Variants in ZNF385D observed in about 807,000 individuals in gnomAD.
ZNF385D encodes zinc finger protein 659.
ZNF385D carries 15 observed loss-of-function variants against 35.8 expected under a neutral mutation model. The observed-to-expected ratio is 0.42, with a 90% confidence interval of 0.28 to 0.64. The LOEUF (loss-of-function observed/expected upper bound fraction) is 0.64, where lower values mean the gene tolerates loss of function less well. Ranked by LOEUF, ZNF385D falls within the 30% of genes least tolerant of loss-of-function variation. ZNF385D has a pLI of 0.23. For missense variants in ZNF385D, 474 were observed against 494.6 expected (o/e 0.96, Z 0.39); for synonymous variants, 212 against 186.8 (o/e 1.13, Z -1.10).
chr3:21,884,200 A>AT (rs1336827693), intron 3 of ZNF385D, among the ~76,000 whole-genome samples: 4 of 152,042 alleles, frequency 2.6e-5, no homozygotes, highest in Non-Finnish European at 5.9e-5. Context: ...ATAAATGATA[A>AT]TTATATTCTC....
At chr3:22,097,005 G>C (rs1701669072) in intron 3 of ZNF385D, among the ~76,000 whole-genome samples, 1 of 152,002 alleles carries the variant, frequency 6.6e-6, no homozygotes, top group African/African-American at 2.4e-5. Flanking sequence ...CAGTTACCAT[G>C]CTGTAAGCAA....
intron 3 of ZNF385D, among the ~76,000 whole-genome samples, chr3:21,907,606 A>G (rs577410676): frequency 4.6e-5 from 7 of 152,268 alleles, no homozygotes; most frequent in South Asian, 4.1e-4. Context: ...CTAAATGTGG[A>G]ATCCGTTAAA....
chr3:22,154,258 G>A lies in ZNF385D; in HGVS notation c.325+14559C>T, dbSNP rs115917323. 1.5e-3 allele frequency among the ~76,000 whole-genome samples: 225 copies of A among 152,232 alleles called. 1 individual carries two copies. Among genetic ancestry groups the A allele is most frequent in the African/African-American group, 5.3e-3 (219 of 41,542 alleles). On this transcript the variant is annotated intron_variant, in intron 3 of 5. Transcript: ENST00000494108. ...TCATTTCCAGCTCTATCAGATAATA[G>A]GATATTTTCCTGGCTAACCTCATCC...
chr3:21,428,555 C>T (rs1300317587), intron 5 of ZNF385D, among the ~76,000 whole-genome samples: 1 of 152,054 alleles, frequency 6.6e-6, no homozygotes, highest in Non-Finnish European at 1.5e-5. Context: ...ATTCTCCTTC[C>T]ATCCCCGCAC....
rs1044444327 is a variant in ZNF385D, at chr3:21,546,387, G to A, written c.276+18187C>T. 1.2e-4 allele frequency among the ~76,000 whole-genome samples: 19 copies of A among 152,092 alleles called. No individual in the cohort carries two copies. In the East Asian group the frequency reaches 1.8e-3, roughly 14 times the overall value. On this transcript the variant is annotated intron_variant, in intron 3 of 7. Transcript: ENST00000281523. ...TTCCTTTTGGGAAAGTAAGACCAAG[G>A]GAACTAACCAAAGCCAAGCACCATT...
intron 3 of ZNF385D, among the ~76,000 whole-genome samples, chr3:22,113,843 T>C (rs912156700): frequency 1.3e-5 from 2 of 152,106 alleles, no homozygotes; most frequent in African/African-American, 4.8e-5. Context: ...AATACATCAA[T>C]AGAGATCATT....
intron 2 of ZNF385D, among the ~76,000 whole-genome samples, chr3:22,296,534 C>T (rs143756127): frequency 2.0e-5 from 3 of 152,132 alleles, no homozygotes; most frequent in East Asian, 1.9e-4. Flanking sequence ...CAGACCATGA[C>T]GAAGATTTGG....
chr3:22,244,781 T>C (rs1312102655), intron 2 of ZNF385D, among the ~76,000 whole-genome samples: 4 of 151,008 alleles, frequency 2.6e-5, no homozygotes, highest in Non-Finnish European at 4.4e-5. Context: ...TCTAAAATCA[T>C]TGTAGGCACA....
rs572887167 is a variant in ZNF385D at position 21,555,589 on chromosome 3, A to G, written c.276+8985T>C. ...TAGTGTTCCATGGTGTATACGTGCC[A>G]CATTTTCTTTAACCAGTCTATCACT... On this transcript the variant is annotated intron_variant, in intron 3 of 7. Coordinates refer to ENST00000281523, the MANE Select transcript of ZNF385D (RefSeq NM_024697.3). 2.5e-4 allele frequency among the ~76,000 whole-genome samples: 38 copies of G among 152,316 alleles called. 1 individual carries two copies. The South Asian group carries it at 6.0e-3, about 24-fold the overall frequency.
intron 2 of ZNF385D, among the ~76,000 whole-genome samples, chr3:22,239,081 A>T (rs557372039): frequency 6.6e-6 from 1 of 151,088 alleles, no homozygotes; most frequent in East Asian, 2.0e-4. Context: ...AGTGAACTAG[A>T]ATTCAATTCC....
intron 2 of ZNF385D, among the ~76,000 whole-genome samples, chr3:22,308,697 A>C (rs1413408380): frequency 4.6e-5 from 7 of 152,124 alleles, no homozygotes; most frequent in Admixed American, 4.6e-4. Flanking sequence ...AACTCATGCC[A>C]GACTCAGAGT....
At chr3:22,020,881 C>T (rs1267025528) in intron 3 of ZNF385D, among the ~76,000 whole-genome samples, 2 of 151,934 alleles carry the variant, frequency 1.3e-5, no homozygotes, top group East Asian at 3.9e-4. Context: ...ATCTAAGTGT[C>T]CATGAACAGG....
intron 3 of ZNF385D, among the ~76,000 whole-genome samples, chr3:22,016,150 A>G (rs1052966334): frequency 1.4e-4 from 22 of 152,124 alleles, no homozygotes; most frequent in African/African-American, 5.1e-4. Context: ...ATTTTTCTAG[A>G]TCAGAGTTTC....
intron 2 of ZNF385D, among the ~76,000 whole-genome samples, chr3:22,296,495 G>A (rs1274641712): frequency 6.6e-6 from 1 of 152,090 alleles, no homozygotes; most frequent in Non-Finnish European, 1.5e-5. Context: ...TAAAAGAGAA[G>A]GGAAGCAGAA....
chr3:21,749,641 G>A (rs116141892), intron 1 of ZNF385D, among the ~76,000 whole-genome samples: 166 of 152,260 alleles, frequency 1.1e-3, no homozygotes, highest in African/African-American at 3.6e-3. Context: ...ATTTGGCAAT[G>A]CAATGAAATT....
chr3:22,012,020 C>T (rs1281403461), intron 3 of ZNF385D, among the ~76,000 whole-genome samples: 1 of 152,120 alleles, frequency 6.6e-6, no homozygotes, highest in Non-Finnish European at 1.5e-5. Context: ...ATAATCAGTA[C>T]ATGTGCATGA....
At chr3:22,155,500 C>G (rs1327003488) in intron 3 of ZNF385D, among the ~76,000 whole-genome samples, 2 of 151,910 alleles carry the variant, frequency 1.3e-5, no homozygotes, top group African/African-American at 4.8e-5. Flanking sequence ...CACTGGGACA[C>G]TTTTGTTAGT....
chr3:22,050,953 G>A lies in ZNF385D; in HGVS notation c.325+117864C>T, dbSNP rs1345515463. On this transcript the variant is annotated intron_variant, in intron 3 of 5. Coordinates refer to the ZNF385D transcript ENST00000494108. ...AATTTTGGAATAGGTGTGGTGTGGT[G>A]CTGAAAAAAATGTATATTCTGTTGA... Among the ~76,000 whole-genome samples the A allele has an allele frequency of 6.3e-5, 5 of 79,642 alleles. 2 individuals are homozygous for A. The highest frequency in any genetic ancestry group is 1.3e-4 in the Non-Finnish European group (5 of 39,266). 52.2% of individuals were successfully genotyped at this position (79,642 alleles called of 152,430 possible). A position where few individuals can be genotyped will look rare whatever the true frequency, so the allele number is the denominator to read the frequency against.
In ZNF385D at chr3:21,808,899, T is replaced by C. The variant is rs573875997; in HGVS notation, c.326-143871A>G. Reference sequence around the variant, plus strand: ...ACCAAAGTAGGACAGATTAAAATAGTACCACAAAGACTTTGAAAACTAAAT... The same window carrying C: ...ACCAAAGTAGGACAGATTAAAATAGCACCACAAAGACTTTGAAAACTAAAT... On this transcript the variant is annotated intron_variant, in intron 3 of 5. Coordinates refer to the ZNF385D transcript ENST00000494108. 2.0e-5 allele frequency among the ~76,000 whole-genome samples: 3 copies of C among 152,262 alleles called. No individual in the cohort carries two copies. In the South Asian group the frequency reaches 6.2e-4, roughly 32 times the overall value.
Sources: gnomAD v4.1 joint callset for allele counts (sites outside exome capture counted in the v4.1 genomes callset) on GRCh38, gnomAD v4.1.1 for gene constraint, MANE v1.5 for transcripts, NCBI Gene and HGNC (gene_info 2026-07-23, HGNC 2026-07-21) for gene names.